HERC6: variants seen among roughly 807,000 people sequenced by gnomAD.
HERC6 encodes the protein probable E3 ubiquitin-protein ligase HERC6.
A neutral mutation model predicts 114.5 loss-of-function variants in HERC6; 101 were observed. The ratio of observed to expected loss-of-function variants is 0.88; its 90% CI spans 0.75 to 1.04. The LOEUF (loss-of-function observed/expected upper bound fraction) is 1.04, where lower values mean the gene tolerates loss of function less well. Ranked by LOEUF, HERC6 falls within the 50% of genes least tolerant of loss-of-function variation. The pLI, the probability that HERC6 is intolerant of heterozygous loss-of-function variation, is 0.00. For missense variants in HERC6, 1,133 were observed against 1,230.9 expected (o/e 0.92, Z 1.19); for synonymous variants, 408 against 436.2 (o/e 0.94, Z 0.81).
chr4:88,408,959 A>G (rs540751864), intron 11 of HERC6, among the ~76,000 whole-genome samples: 1 of 152,262 alleles, frequency 6.6e-6, no homozygotes, highest in East Asian at 1.9e-4. Flanking sequence ...ATCATAGGGA[A>G]TAGAAACTGT....
intron 5 of HERC6, among the ~76,000 whole-genome samples, chr4:88,394,044 A>G (rs547463934): frequency 3.9e-5 from 6 of 152,220 alleles, no homozygotes; most frequent in African/African-American, 1.4e-4. Context: ...TAAGATATAT[A>G]TACCAATATC....
At chr4:88,394,978 A>G (rs1735152513) in intron 5 of HERC6, among the ~76,000 whole-genome samples, 1 of 152,180 alleles carries the variant, frequency 6.6e-6, no homozygotes, top group African/African-American at 2.4e-5. Context: ...CTTGCTTGGC[A>G]TAGGTATGAC....
At chr4:88,410,002 C>T (rs1295251951) in intron 11 of HERC6, among the ~76,000 whole-genome samples, 1 of 152,088 alleles carries the variant, frequency 6.6e-6, no homozygotes, top group African/African-American at 2.4e-5. Flanking sequence ...TGGTGAGGGC[C>T]CACTTCTTGG....
rs758625728 is a variant in HERC6 at position 88,396,134 on chromosome 4, T to C, written c.879T>C (p.Asp293=). ...ERIDGLVSQI[D]CGSYHTLAYV... ...TTGATGGCCTAGTTTCGCAGATAGA[T>C]TGTGGAAGGTAATAGGCTTCTTCTT... Residue 293 remains aspartate (D), a synonymous_variant, in exon 6 of 23, where the codon GAT becomes GAC. Coordinates refer to ENST00000264346, the MANE Select transcript of HERC6 (RefSeq NM_017912.4). 5.0e-6 allele frequency: 8 copies of C among 1,596,422 alleles called. No homozygotes were observed. Among genetic ancestry groups the C allele is most frequent in the South Asian group, 2.3e-5 (2 of 87,796 alleles).
intron 1 of HERC6, among the ~76,000 whole-genome samples, chr4:88,380,618 G>C (rs1734267327): frequency 6.7e-6 from 1 of 148,590 alleles, no homozygotes; most frequent in African/African-American, 2.5e-5. Flanking sequence ...TTGGGAGGCT[G>C]AGGCAGGGGA....
Position 88,398,206 on chromosome 4 carries a change from T to A in HERC6, c.1089T>A (p.His363Gln). 6.3e-7 allele frequency: 1 copy of A among 1,581,816 alleles called. No homozygotes were observed. Among genetic ancestry groups the A allele is most frequent in the South Asian group, 1.2e-5 (1 of 85,016 alleles). Residue 363 changes from histidine (H) to glutamine (Q), a missense_variant, in exon 8 of 23, where the codon CAT (histidine) becomes CAA (glutamine). Physicochemically the swap from His to Gln is conservative, Grantham distance 24. Coordinates refer to ENST00000264346, the MANE Select transcript of HERC6 (RefSeq NM_017912.4). ...AGTYANFVTT[H>Q]QDTSSTRAPG... ...CATATGCCAACTTTGTGACAACTCA[T>A]CAGGTATCTATTATACTTTTTGTTC...
At chr4:88,413,923 A>G (rs75659479) in intron 12 of HERC6, among the ~76,000 whole-genome samples, 251 of 152,310 alleles carry the variant, frequency 1.6e-3, no homozygotes, top group South Asian at 2.7e-3. Context: ...AGAGGCAGGC[A>G]TTATCTTTTG....
At chr4:88,384,621 G>C (rs1734482783) in intron 2 of HERC6, among the ~76,000 whole-genome samples, 1 of 152,108 alleles carries the variant, frequency 6.6e-6, no homozygotes. Flanking sequence ...TTTGACTTGG[G>C]GAAATGAGCA....
intron 3 of HERC6, among the ~76,000 whole-genome samples, chr4:88,388,419 C>A (rs1734708196): frequency 6.6e-6 from 1 of 151,956 alleles, no homozygotes; most frequent in Non-Finnish European, 1.5e-5. Context: ...GGCATGGTGG[C>A]AGGTACCTGC....
chr4:88,432,140 T>C (rs1461067143), intron 17 of HERC6, among the ~76,000 whole-genome samples: 1 of 152,178 alleles, frequency 6.6e-6, no homozygotes, highest in East Asian at 1.9e-4. Context: ...AAGTATTTAA[T>C]ACGAACTTTG....
intron 2 of HERC6, among the ~76,000 whole-genome samples, chr4:88,384,125 G>A (rs1346489555): frequency 6.6e-6 from 1 of 152,156 alleles, no homozygotes; most frequent in Admixed American, 6.5e-5. Context: ...TGGGAATTCA[G>A]TTGTCATTAA....
Position 88,404,890 on chromosome 4 carries a change from A to G in HERC6, c.1107A>G (p.Thr369=), listed in dbSNP as rs767964894. The change falls in exon 9 of 23, where the codon ACA becomes ACG. Residue 369 remains threonine, a synonymous_variant. Coordinates refer to ENST00000264346, the MANE Select transcript of HERC6 (RefSeq NM_017912.4). ...FVTTHQDTSS[T]RAPGKTLPEI... ...CTTCCCTGAAGGATACTAGTTCCACACGTGCTCCCGGGAAAACCCTGCCAG... is the reference window on the plus strand; with the variant it reads ...CTTCCCTGAAGGATACTAGTTCCACGCGTGCTCCCGGGAAAACCCTGCCAG... 2 of 1,613,536 alleles carry G rather than the reference A, an allele frequency of 1.2e-6. No homozygotes were observed. Among genetic ancestry groups the G allele is most frequent in the African/African-American group, 1.3e-5 (1 of 74,920 alleles).
intron 1 of HERC6, among the ~76,000 whole-genome samples, chr4:88,379,725 TAATATATA>T (rs1268481074): frequency 1.1e-4 from 3 of 27,616 alleles, no homozygotes; most frequent in Non-Finnish European, 1.7e-4. Context: ...TAAATATATA[TAATATATA>T]AATATATAAA....
intron 1 of HERC6, among the ~76,000 whole-genome samples, 187 bp downstream of exon 1, chr4:88,379,307 T>C (rs1239366640): frequency 6.6e-6 from 1 of 152,004 alleles, no homozygotes; most frequent in Non-Finnish European, 1.5e-5. Context: ...CTGGGAGCCT[T>C]GGATTCCTCG....
At chr4:88,430,569 CAAATAAATAAATAAATAAATAAAT>C (rs375978104) in intron 16 of HERC6, among the ~76,000 whole-genome samples, 1 of 141,238 alleles carries the variant, frequency 7.1e-6, no homozygotes, top group Non-Finnish European at 1.5e-5. Flanking sequence ...GACTCCATCT[CAAATAAATAAATAAATAAATAAAT>C]AAATAAATAA....
intron 7 of HERC6, among the ~76,000 whole-genome samples, chr4:88,397,871 C>T (rs1481999641): frequency 5.9e-5 from 9 of 152,120 alleles, no homozygotes; most frequent in Non-Finnish European, 1.3e-4. Context: ...TCTTCTAAAG[C>T]ATGGCCACCT....
intron 3 of HERC6, among the ~76,000 whole-genome samples, chr4:88,389,246 G>C (rs147458885): frequency 6.6e-6 from 1 of 152,192 alleles, no homozygotes; most frequent in African/African-American, 2.4e-5. Context: ...GGAAGTGGGG[G>C]TGGGCCAGAC....
intron 17 of HERC6, among the ~76,000 whole-genome samples, chr4:88,432,399 T>G (rs999770604): frequency 7.0e-6 from 1 of 141,864 alleles, no homozygotes; most frequent in Non-Finnish European, 1.5e-5. Flanking sequence ...AGACTCCGGC[T>G]CAAAAAAAAA....
At chr4:88,388,704 A>G (rs1301244405) in intron 3 of HERC6, among the ~76,000 whole-genome samples, 1 of 152,170 alleles carries the variant, frequency 6.6e-6, no homozygotes, top group African/African-American at 2.4e-5. Context: ...CCTGTTGTGT[A>G]GATGAAGGCT....
Sources: gnomAD v4.1 joint callset for allele counts (sites outside exome capture counted in the v4.1 genomes callset) on GRCh38, gnomAD v4.1.1 for gene constraint, MANE v1.5 for transcripts, NCBI Gene and HGNC (gene_info 2026-07-23, HGNC 2026-07-21) for gene names.